SLC38A1: variants seen among roughly 807,000 people sequenced by gnomAD.
The protein encoded by SLC38A1 is solute carrier family 38 member 1, also known as sodium-coupled neutral amino acid symporter 1.
Under a neutral mutation model 60.3 loss-of-function variants are expected in SLC38A1, and 18 were observed. The ratio of observed to expected loss-of-function variants is 0.30; its 90% confidence interval spans 0.21 to 0.44. The LOEUF is 0.44. Among genes scored for constraint, SLC38A1 ranks in the 20% least tolerant of loss-of-function variants. The pLI, the probability that SLC38A1 is intolerant of heterozygous loss-of-function variation, is 1.00. For synonymous variants in SLC38A1, 196 were observed against 212.1 expected (o/e 0.92, Z 0.66); for missense variants, 448 against 587.2 (o/e 0.76, Z 2.45).
At chr12:46,264,253 T>C (rs1942285942) in intron 1 of SLC38A1, among the ~76,000 whole-genome samples, 1 of 152,226 alleles carries the variant, frequency 6.6e-6, no homozygotes, top group South Asian at 2.1e-4. Context: ...CTGCTCTCAT[T>C]GTATCTTCAC....
intron 3 of SLC38A1, among the ~76,000 whole-genome samples, chr12:46,235,213 A>G (rs1286626865): frequency 6.6e-6 from 1 of 152,262 alleles, no homozygotes; most frequent in South Asian, 2.1e-4. Flanking sequence ...CCAGAAACAA[A>G]TCAACAGTAA....
chr12:46,205,668 T>C (rs1025881296), intron 9 of SLC38A1, among the ~76,000 whole-genome samples: 1 of 152,238 alleles, frequency 6.6e-6, no homozygotes, highest in Non-Finnish European at 1.5e-5. Flanking sequence ...TCTAAATTTA[T>C]AATACTTGTG....
Position 46,231,984 on chromosome 12 carries a change from G to A in SLC38A1, c.123-2345C>T, listed in dbSNP as rs557380545. Among the ~76,000 whole-genome samples, 6 of 152,278 alleles carry A rather than the reference G, an allele frequency of 3.9e-5. No homozygotes were observed. The East Asian group carries it at 9.6e-4, about 24-fold the overall frequency. On this transcript the variant is annotated intron_variant, in intron 3 of 16. Coordinates refer to ENST00000398637, the MANE Select transcript of SLC38A1 (RefSeq NM_030674.4). ...TTTTAAATGAAACATATGTATCATT[G>A]ATGTTGATTTTATTCATTGACGTTT...
In SLC38A1 at chr12:46,236,782, T is replaced by A. The variant is rs531334629; in HGVS notation, c.122+2897A>T. Among the ~76,000 whole-genome samples the A allele has an allele frequency of 3.3e-4, 51 of 152,348 alleles. No individual in the cohort carries two copies. The South Asian group carries it at 0.01, about 30-fold the overall frequency. On this transcript the variant is annotated intron_variant, in intron 3 of 16. Transcript: ENST00000398637. ...AGTTTGGTTCATGGATCAGCAGTTA[T>A]GGGCGTCACCTGGGAATTTGCTAGG...
rs1481399564 is a variant in SLC38A1 at position 46,187,617 on chromosome 12, T to C, written c.*1353A>G. 2 of 152,154 alleles carry C rather than the reference T, an allele frequency of 1.3e-5. No individual in the cohort carries two copies. Among genetic ancestry groups the C allele is most frequent in the Non-Finnish European group, 2.9e-5 (2 of 68,058 alleles). 9.4% of individuals were successfully genotyped at this position (152,154 alleles called of 1,614,324 possible). On this transcript the variant is annotated 3_prime_UTR_variant, in exon 17 of 17. Coordinates refer to ENST00000398637, the MANE Select transcript of SLC38A1 (RefSeq NM_030674.4). ...AGGGTAAGAGTACCAGGCAACTCTG[T>C]CCTCCTGCATGGACAGTTGAGACGG...
chr12:46,202,455 C>G (rs1048531891), intron 12 of SLC38A1, among the ~76,000 whole-genome samples: 1 of 152,002 alleles, frequency 6.6e-6, no homozygotes, highest in Admixed American at 6.5e-5. Flanking sequence ...TATAAGCAGG[C>G]CTTAATTTTC....
At chr12:46,230,826 A>C (rs1195773095) in intron 3 of SLC38A1, among the ~76,000 whole-genome samples, 1 of 152,214 alleles carries the variant, frequency 6.6e-6, no homozygotes, top group Non-Finnish European at 1.5e-5. Flanking sequence ...GTGGAAAAAA[A>C]GGAATGCTTA....
chr12:46,234,681 T>C (rs1156611156), intron 3 of SLC38A1, among the ~76,000 whole-genome samples: 1 of 152,138 alleles, frequency 6.6e-6, no homozygotes, highest in African/African-American at 2.4e-5. Context: ...TCTCCTGACC[T>C]CGTGATCCGC....
At chr12:46,238,682 G>T (rs181331660) in intron 3 of SLC38A1, among the ~76,000 whole-genome samples, 2 of 152,240 alleles carry the variant, frequency 1.3e-5, no homozygotes, top group Admixed American at 6.5e-5. Flanking sequence ...AAGACATTTG[G>T]TTCTACTCTT....
At chr12:46,260,764 TG>T (rs745846780) in intron 1 of SLC38A1, among the ~76,000 whole-genome samples, 4 of 152,202 alleles carry the variant, frequency 2.6e-5, no homozygotes, top group Non-Finnish European at 5.9e-5. Flanking sequence ...TGCCAAGTCC[TG>T]CCAACATTCC....
At position 46,198,712 on chromosome 12, in the gene SLC38A1, A is replaced by G; in HGVS notation, c.1035T>C (p.Tyr345=). The change falls in exon 14 of 17, where the codon TAT becomes TAC. Residue 345 remains tyrosine, a synonymous_variant. Coordinates refer to ENST00000398637, the MANE Select transcript of SLC38A1 (RefSeq NM_030674.4). ...DNVQSDLLHK[Y]QSKDDILILT... ...GGATGAGAATGTCATCTTTACTCTG[A>G]TATTTGTGAAGGAGGTCGGACTGCA... The G allele has an allele frequency of 6.2e-7, 1 of 1,612,972 alleles. No homozygotes were observed.
At chr12:46,254,765 T>C (rs1478113459) in intron 1 of SLC38A1, 3 of 152,572 alleles carry the variant, frequency 2.0e-5, no homozygotes, top group Non-Finnish European at 4.4e-5. Flanking sequence ...AACAGATTCT[T>C]ATTGCACTTA....
chr12:46,251,984 C>G (rs1941859223), intron 1 of SLC38A1, among the ~76,000 whole-genome samples: 1 of 152,164 alleles, frequency 6.6e-6, no homozygotes, highest in Admixed American at 6.5e-5. Context: ...AATCCCATTA[C>G]TGGGTATATA....
intron 5 of SLC38A1, among the ~76,000 whole-genome samples, chr12:46,210,781 C>T (rs572307078): frequency 3.1e-4 from 47 of 152,230 alleles, no homozygotes; most frequent in African/African-American, 6.3e-4. Context: ...GTTCGCCTTC[C>T]GCCATAATTG....
At chr12:46,251,895 G>A (rs1941855030) in intron 1 of SLC38A1, among the ~76,000 whole-genome samples, 1 of 152,114 alleles carries the variant, frequency 6.6e-6, no homozygotes, top group African/African-American at 2.4e-5. Flanking sequence ...TGGTGGGAGT[G>A]TAAATTAGTT....
At chr12:46,249,929 T>C (rs1466112378) in intron 1 of SLC38A1, among the ~76,000 whole-genome samples, 2 of 152,166 alleles carry the variant, frequency 1.3e-5, no homozygotes, top group African/African-American at 4.8e-5. Context: ...GCTGGTACCA[T>C]TCCTCCTGAA....
intron 2 of SLC38A1, among the ~76,000 whole-genome samples, chr12:46,242,783 C>G (rs576193098): frequency 6.6e-6 from 1 of 152,210 alleles, no homozygotes; most frequent in East Asian, 1.9e-4. Context: ...ACCTGGGCAA[C>G]AGAGTGAGAC....
chr12:46,205,702 G>C (rs1939864936), intron 9 of SLC38A1, among the ~76,000 whole-genome samples: 1 of 152,094 alleles, frequency 6.6e-6, no homozygotes, highest in African/African-American at 2.4e-5. Flanking sequence ...GCAGCTTTCT[G>C]TCTCCATATT....
intron 5 of SLC38A1, among the ~76,000 whole-genome samples, chr12:46,220,643 T>C (rs1940622034): frequency 6.6e-6 from 1 of 152,242 alleles, no homozygotes; most frequent in Non-Finnish European, 1.5e-5. Context: ...ACAGACCATC[T>C]TCGTTGCCAC....
Sources: gnomAD v4.1 joint callset for allele counts (sites outside exome capture counted in the v4.1 genomes callset) on GRCh38, gnomAD v4.1.1 for gene constraint, MANE v1.5 for transcripts, NCBI Gene and HGNC (gene_info 2026-07-23, HGNC 2026-07-21) for gene names.